Variants in VAV2 observed in about 807,000 individuals in gnomAD.
VAV2 encodes guanine nucleotide exchange factor VAV2.
In VAV2, 67 loss-of-function variants were observed where a neutral mutation model predicts 132.5. That is an observed-to-expected ratio of 0.51 (90% confidence interval 0.42 to 0.62). The LOEUF (loss-of-function observed/expected upper bound fraction) is 0.62. Ranked by LOEUF, VAV2 falls within the 20% of genes least tolerant of loss-of-function variation. VAV2 has a pLI of 0.00. For missense variants in VAV2, 938 were observed against 1,153.6 expected, an observed-to-expected ratio of 0.81 and a Z score of 2.71; for synonymous variants, 492 against 443.5, an observed-to-expected ratio of 1.11 and a Z score of -1.37.
At chr9:133,796,780 C>T (rs543838180) in intron 10 of VAV2, among the ~76,000 whole-genome samples, 7 of 152,346 alleles carry the variant, frequency 4.6e-5, no homozygotes, top group East Asian at 3.9e-4. Flanking sequence ...TGCGATGCTA[C>T]GGAAACCCTC....
intron 3 of VAV2, among the ~76,000 whole-genome samples, chr9:133,851,030 G>A (rs1274863807): frequency 6.6e-6 from 1 of 152,258 alleles, no homozygotes; most frequent in African/African-American, 2.4e-5. Context: ...AACTGGAGCA[G>A]ACACACAACT....
chr9:133,929,224 C>A (rs1840588565), intron 2 of VAV2, among the ~76,000 whole-genome samples: 1 of 152,160 alleles, frequency 6.6e-6, no homozygotes, highest in African/African-American at 2.4e-5. Flanking sequence ...CACCTGGCCC[C>A]AGAAGCACCA....
chr9:133,825,881 G>C (rs1342474576), intron 4 of VAV2, among the ~76,000 whole-genome samples: 1 of 152,146 alleles, frequency 6.6e-6, no homozygotes, highest in East Asian at 1.9e-4. Flanking sequence ...AAACCTCCTC[G>C]ACACCAGAAA....
chr9:133,858,674 C>T (rs1837478037), intron 3 of VAV2, among the ~76,000 whole-genome samples: 1 of 152,180 alleles, frequency 6.6e-6, no homozygotes, highest in Non-Finnish European at 1.5e-5. Flanking sequence ...GGTCTCATCT[C>T]AATAAATCCG....
At chr9:133,858,810 C>T (rs185207359) in intron 3 of VAV2, among the ~76,000 whole-genome samples, 61 of 152,334 alleles carry the variant, frequency 4.0e-4, no homozygotes, top group Non-Finnish European at 7.2e-4. Context: ...GACATGCAGC[C>T]CTGGCTCGTC....
chr9:133,778,815 T>G lies in VAV2; in HGVS notation c.1837A>C (p.Thr613Pro). 6.2e-7 allele frequency: 1 copy of G among 1,613,062 alleles called. No individual in the cohort carries two copies. Among genetic ancestry groups the G allele is most frequent in the Non-Finnish European group, 8.5e-7 (1 of 1,180,002 alleles). Residue 613 changes from threonine to proline, a missense_variant, in exon 22 of 30, where the codon ACG (threonine) becomes CCG (proline). Thr to Pro is a conservative substitution (Grantham distance 38). Transcript: ENST00000371850. ...CTCAGCAGCTCAAGCACGTCGCCCG[T>G]CTGGAAGGTCAGCACAGGCTTCCCG... is the stretch of plus-strand genomic sequence containing the variant. The part of the protein sequence containing the change: ...PPGKPVLTFQ[T>P]GDVLELLRGD...
intron 29 of VAV2, 31 bp from the exon 30 acceptor site, chr9:133,764,140 G>A: frequency 1.9e-6 from 3 of 1,575,164 alleles, no homozygotes; most frequent in East Asian, 2.2e-5. Context: ...GTGTCTGTGT[G>A]TGTGTGTGTG....
chr9:133,948,681 C>A (rs988729713), intron 1 of VAV2, among the ~76,000 whole-genome samples: 1 of 152,268 alleles, frequency 6.6e-6, no homozygotes, highest in African/African-American at 2.4e-5. Flanking sequence ...CTCAGTCTCA[C>A]TAACACTCGA....
rs1036380090 is a variant in VAV2, at chr9:133,794,744, G to T, written c.1101+924C>A. Among the ~76,000 whole-genome samples the T allele has an allele frequency of 2.6e-5, 4 of 152,220 alleles. No homozygotes were observed. The South Asian group carries it at 8.3e-4, about 32-fold the overall frequency. On this transcript the variant is annotated intron_variant, in intron 12 of 29. Coordinates refer to ENST00000371850, the MANE Select transcript of VAV2 (RefSeq NM_001134398.2). This position sits in a 1 kb window ranked among gnomAD's most constrained non-coding sequence, Gnocchi z 4.6. The stretch of plus-strand genomic sequence containing the variant: ...TCCCTCCACCCAGATGCAGCTGGAG[G>T]GGACCTACCACATGCCAGGTGCTGT...
intron 1 of VAV2, among the ~76,000 whole-genome samples, chr9:133,955,138 A>C (rs977801366): frequency 1.2e-4 from 18 of 151,964 alleles, no homozygotes; most frequent in African/African-American, 4.4e-4. Flanking sequence ...GGCCAAGGGT[A>C]CAGGAAGGGC....
rs1554767605 is a variant in VAV2, at chr9:133,766,759, A to AATAAATATAT, written c.2589+1682_2589+1683insATATATTTAT. ...TACCCTAGAACTTAAAGTATAAATAAATATATATATATATATATATATATA... is the reference window on the plus strand; with the variant it reads ...TACCCTAGAACTTAAAGTATAAATAAATAAATATATATATATATATATATATATATATATA... On this transcript the variant is annotated intron_variant, in intron 29 of 29. Transcript: ENST00000371850. 2.9e-3 allele frequency among the ~76,000 whole-genome samples: 320 copies of AATAAATATAT among 112,112 alleles called. 1 individual carries two copies. Among genetic ancestry groups the AATAAATATAT allele is most frequent in the Non-Finnish European group, 4.4e-3 (242 of 55,620 alleles). 73.5% of individuals were successfully genotyped at this position (112,112 alleles called of 152,430 possible). A position where few individuals can be genotyped will look rare whatever the true frequency, so the allele number is the denominator to read the frequency against.
chr9:133,902,179 A>C (rs2157834), intron 2 of VAV2, among the ~76,000 whole-genome samples: 129,189 of 152,144 alleles, frequency 0.85, 55,232 homozygotes, highest in East Asian at 0.94. Context: ...CCTCCCTGAG[A>C]CCCAACTTCA....
chr9:133,989,710 C>T (rs988424292), intron 1 of VAV2, among the ~76,000 whole-genome samples: 5 of 152,200 alleles, frequency 3.3e-5, no homozygotes, highest in Admixed American at 3.3e-4. Flanking sequence ...AAGTGAGTTT[C>T]CCAGAAAACA....
intron 1 of VAV2, among the ~76,000 whole-genome samples, chr9:133,944,972 A>G (rs901622385): frequency 6.6e-6 from 1 of 152,124 alleles, no homozygotes. Flanking sequence ...GCGCTGACTC[A>G]CAGTGATTAT....
chr9:133,838,794 AGTGG>A (rs1252438717), intron 3 of VAV2, among the ~76,000 whole-genome samples: 1 of 107,476 alleles, frequency 9.3e-6, no homozygotes, highest in Non-Finnish European at 1.8e-5. Context: ...TGAGTGCATG[AGTGG>A]GTGGGTAGAT....
chr9:133,810,705 T>C (rs1304460151), intron 5 of VAV2, among the ~76,000 whole-genome samples: 3 of 150,836 alleles, frequency 2.0e-5, no homozygotes, highest in African/African-American at 7.4e-5. Flanking sequence ...GGACACTCCA[T>C]GTCCTTTCAC....
Position 133,834,462 on chromosome 9 carries a change from A to AC in VAV2, c.381-123dup, listed in dbSNP as rs889145738. The AC allele has an allele frequency of 4.1e-6, 4 of 975,446 alleles. No homozygotes were observed. The highest frequency in any genetic ancestry group is 2.4e-5 in the Admixed American group (1 of 41,652). The allele number at this position is 975,446 out of a possible 1,614,324, so 60.4% of individuals were successfully genotyped here. A position where few individuals can be genotyped will look rare whatever the true frequency, so the allele number is the denominator to read the frequency against. On this transcript the variant is annotated intron_variant, in intron 3 of 29. Transcript: ENST00000371850. This position sits in a 1 kb window ranked among gnomAD's most constrained non-coding sequence, Gnocchi z 5.9. ...GCCAGGAGCAAAGGGGCTCTTGTCC[A>AC]CTCTCTGGAAGGACACAGGGTGCGC... is the stretch of plus-strand genomic sequence containing the variant.
intron 3 of VAV2, among the ~76,000 whole-genome samples, chr9:133,837,955 C>T (rs1296739636): frequency 6.6e-6 from 1 of 152,168 alleles, no homozygotes; most frequent in Non-Finnish European, 1.5e-5. Context: ...GAGAATGGAG[C>T]TGCAAATCCA....
chr9:133,783,373 G>A (rs1453992231), intron 19 of VAV2, 130 bp downstream of exon 19: 3 of 821,604 alleles, frequency 3.7e-6, no homozygotes, highest in Non-Finnish European at 6.2e-6. Context: ...TGGGGCACGT[G>A]AGCACTGGTG....
Sources: gnomAD v4.1 joint callset for allele counts (sites outside exome capture counted in the v4.1 genomes callset) on GRCh38, gnomAD v4.1.1 for gene constraint, Gnocchi (gnomAD v3.1) non-coding constraint, MANE v1.5 for transcripts, NCBI Gene and HGNC (gene_info 2026-07-23, HGNC 2026-07-21) for gene names.